Variants in G3BP2 observed in about 807,000 individuals in gnomAD.
The protein encoded by G3BP2 is G3BP stress granule assembly factor 2, also known as ras GTPase-activating protein-binding protein 2.
G3BP2 carries 11 observed loss-of-function variants against 56.7 expected under a neutral mutation model. The observed-to-expected ratio is 0.19, with a 90% CI of 0.12 to 0.32. G3BP2 has a LOEUF of 0.32. Ranked by LOEUF, G3BP2 falls within the 10% of genes least tolerant of loss-of-function variation. G3BP2 has a pLI of 1.00. For missense variants in G3BP2, 340 were observed against 610.9 expected (o/e 0.56, Z 4.67); for synonymous variants, 165 against 191.6 (o/e 0.86, Z 1.15).
chr4:75,653,568 TG>T (rs1731861468), intron 8 of G3BP2, among the ~76,000 whole-genome samples: 1 of 138,332 alleles, frequency 7.2e-6, no homozygotes, highest in Non-Finnish European at 1.5e-5. Context: ...AAAAGTTTCC[TG>T]GTTTTTTTTT....
intron 1 of G3BP2, among the ~76,000 whole-genome samples, chr4:75,672,258 G>A (rs1733546962): frequency 6.6e-6 from 1 of 152,130 alleles, no homozygotes; most frequent in African/African-American, 2.4e-5. Flanking sequence ...GCTGATCTAT[G>A]CAGGAAATTA....
At chr4:75,677,186 C>G (rs1733906082), upstream of G3BP2, among the ~76,000 whole-genome samples, 1 of 152,026 alleles carries the variant, frequency 6.6e-6, no homozygotes. Context: ...TCCTCTACAC[C>G]CTTTCATTTG....
chr4:75,674,715 TA>T (rs1308664527), upstream of G3BP2, among the ~76,000 whole-genome samples: 2,033 of 49,114 alleles, frequency 0.041, 21 homozygotes, highest in South Asian at 0.067. Flanking sequence ...TATATATATA[TA>T]TATTTTTTTT....
intron 3 of G3BP2, among the ~76,000 whole-genome samples, chr4:75,682,240 C>A (rs1353961996): frequency 1.3e-5 from 2 of 151,928 alleles, no homozygotes; most frequent in Non-Finnish European, 2.9e-5. Flanking sequence ...CATGGTGAAA[C>A]CCCGTCTCTA....
rs143530692 is a variant in G3BP2, at chr4:75,672,781, C to T, written c.-25+427G>A. On this transcript the variant is annotated intron_variant, in intron 1 of 11. Coordinates refer to ENST00000359707, the MANE Select transcript of G3BP2 (RefSeq NM_203505.3). ...AGGAACAAGGTACAAGAGCCGAAAACGATTCGGAAACAGGAACGGTGGGCT... is the reference window on the plus strand; with the variant it reads ...AGGAACAAGGTACAAGAGCCGAAAATGATTCGGAAACAGGAACGGTGGGCT... The T allele has an allele frequency of 5.0e-3, 773 of 155,216 alleles. 3 individuals carry two copies. The highest frequency in any genetic ancestry group is 0.027 in the Middle Eastern group (8 of 298). The allele number at this position is 155,216 out of a possible 1,614,324, so 9.6% of individuals were successfully genotyped here.
chr4:75,691,211 C>T (rs1056583667), intron 3 of G3BP2, among the ~76,000 whole-genome samples: 12 of 152,258 alleles, frequency 7.9e-5, no homozygotes, highest in African/African-American at 2.9e-4. Flanking sequence ...TCCAAAGTAG[C>T]TGGGATTACA....
intron 8 of G3BP2, 106 bp downstream of exon 8, chr4:75,653,877 A>G: frequency 1.6e-6 from 1 of 621,998 alleles, no homozygotes; most frequent in Non-Finnish European, 2.9e-6. Flanking sequence ...AGTTTTTTGT[A>G]TATTTAATCC....
chr4:75,681,211 C>T (rs984524811), intron 3 of G3BP2, among the ~76,000 whole-genome samples: 4 of 151,724 alleles, frequency 2.6e-5, no homozygotes, highest in Non-Finnish European at 5.9e-5. Flanking sequence ...GTAGTCCCAG[C>T]TACTCGGGAG....
At chr4:75,662,219 TAA>T in intron 1 of G3BP2, 170 bp from the exon 2 acceptor site, 1 of 401,084 alleles carries the variant, frequency 2.5e-6, no homozygotes, top group Non-Finnish European at 4.3e-6. Flanking sequence ...TAACCTGAAA[TAA>T]TTTTTTTTTT....
chr4:75,645,298 C>T lies in G3BP2; in HGVS notation c.*132G>A. The T allele has an allele frequency of 1.3e-6, 1 of 761,316 alleles. No individual in the cohort carries two copies. The highest frequency in any genetic ancestry group is 2.7e-5 in the East Asian group (1 of 37,470). The allele number at this position is 761,316 out of a possible 1,614,324, so 47.2% of individuals were successfully genotyped here. A position where few individuals can be genotyped will look rare whatever the true frequency, so the allele number is the denominator to read the frequency against. ...ATGTCCACCTCAATTTAACTGATAA[C>T]CAAAGATGCTTTTCACATCAAAGAA... On this transcript the variant is annotated 3_prime_UTR_variant, in exon 12 of 12. Coordinates refer to ENST00000359707, the MANE Select transcript of G3BP2 (RefSeq NM_203505.3).
chr4:75,663,706 A>G (rs2149008543), intron 1 of G3BP2, among the ~76,000 whole-genome samples: 1 of 151,930 alleles, frequency 6.6e-6, no homozygotes, highest in South Asian at 2.1e-4. Flanking sequence ...CTAAAAATAA[A>G]AAAATTAGCC....
intron 1 of G3BP2, among the ~76,000 whole-genome samples, chr4:75,663,415 G>GCA (rs1732727213): frequency 6.6e-6 from 1 of 152,112 alleles, no homozygotes. Flanking sequence ...CTATAAGCAT[G>GCA]CACCTGGCTA....
At chr4:75,674,370 C>A (rs1220300146), upstream of G3BP2, among the ~76,000 whole-genome samples, 2 of 152,156 alleles carry the variant, frequency 1.3e-5, no homozygotes, top group Non-Finnish European at 2.9e-5. Context: ...TCTTCGCAAT[C>A]CTGTAAGGGC....
At chr4:75,662,968 A>G (rs1048539292) in intron 1 of G3BP2, among the ~76,000 whole-genome samples, 1 of 152,214 alleles carries the variant, frequency 6.6e-6, no homozygotes, top group African/African-American at 2.4e-5. Context: ...AAATGGTAAC[A>G]ATGATTAATC....
At chr4:75,674,735 T>A (rs1733793730), upstream of G3BP2, among the ~76,000 whole-genome samples, 2 of 132,128 alleles carry the variant, frequency 1.5e-5, no homozygotes, top group African/African-American at 2.7e-5. Flanking sequence ...TTTTTTTTTT[T>A]TTTTTAAGAT....
chr4:75,648,811 C>T lies in G3BP2; in HGVS notation c.826-70G>A, dbSNP rs532798068. On this transcript the variant is annotated intron_variant, in intron 8 of 11. Transcript: ENST00000359707. The stretch of plus-strand genomic sequence containing the variant: ...GAGAAAAACCAACCAAAGCACCTAA[C>T]GACAAGTCACTAGCAGACATAACAG... The T allele has an allele frequency of 4.2e-4, 346 of 821,754 alleles. 4 individuals carry two copies. The East Asian group carries it at 8.0e-3, about 19-fold the overall frequency. The allele number at this position is 821,754 out of a possible 1,614,324, so 50.9% of individuals were successfully genotyped here. A position where few individuals can be genotyped will look rare whatever the true frequency, so the allele number is the denominator to read the frequency against.
chr4:75,671,115 T>G (rs1443673585), intron 1 of G3BP2, among the ~76,000 whole-genome samples: 1 of 152,162 alleles, frequency 6.6e-6, no homozygotes, highest in Non-Finnish European at 1.5e-5. Flanking sequence ...TGAAGGTGGG[T>G]GGACCAATTT....
At chr4:75,667,822 A>G (rs1342933824) in intron 1 of G3BP2, among the ~76,000 whole-genome samples, 1 of 152,112 alleles carries the variant, frequency 6.6e-6, no homozygotes, top group Admixed American at 6.6e-5. Context: ...CTCAGAGGCA[A>G]AGGTTGCAGT....
chr4:75,700,427 C>CTT (rs370845226), intron 3 of G3BP2, among the ~76,000 whole-genome samples: 4 of 11,526 alleles, frequency 3.5e-4, no homozygotes, highest in Non-Finnish European at 8.1e-4. Context: ...TTCTTTCTTT[C>CTT]TTTTTTTTTT....
Sources: allele counts gnomAD v4.1 joint callset (sites outside exome capture counted in the v4.1 genomes callset), GRCh38; gene constraint gnomAD v4.1.1; transcripts MANE v1.5; gene names NCBI Gene and HGNC (gene_info 2026-07-23, HGNC 2026-07-21).